The following RARB variants were observed in gnomAD, a reference collection of about 807,000 sequenced individuals.
RARB encodes HBV-activated protein.
RARB carries 17 observed loss-of-function variants against 51.9 expected under a neutral mutation model. That is an observed-to-expected ratio of 0.33 (90% confidence interval 0.22 to 0.49). The LOEUF is 0.49. Ranked by LOEUF, RARB falls within the 20% of genes least tolerant of loss-of-function variation. The probability of loss-of-function intolerance (pLI) is 0.99; values close to 1 mark genes in which losing one functional copy is unlikely to be tolerated. For missense variants in RARB, 369 were observed against 550.8 expected (o/e 0.67, Z 3.30); for synonymous variants, 215 against 195.4 (o/e 1.10, Z -0.84).
At chr3:25,286,157 C>A (rs1703648297) in intron 5 of RARB, among the ~76,000 whole-genome samples, 1 of 131,730 alleles carries the variant, frequency 7.6e-6, no homozygotes, top group Admixed American at 8.6e-5. Context: ...GGCATGATCT[C>A]AGCTCACTGC....
intron 3 of RARB, among the ~76,000 whole-genome samples, chr3:25,106,320 G>A (rs1055407823): frequency 8.6e-6 from 1 of 115,738 alleles, no homozygotes; most frequent in African/African-American, 3.3e-5. Context: ...CTGTCACCCA[G>A]GCTGGAGTGC....
At chr3:25,122,529 G>T (rs1055787412) in intron 3 of RARB, among the ~76,000 whole-genome samples, 3 of 152,096 alleles carry the variant, frequency 2.0e-5, no homozygotes, top group Admixed American at 1.3e-4. Flanking sequence ...GTTAAGGCTG[G>T]CTTGTGGGTG....
chr3:25,014,244 A>G (rs976173061), intron 2 of RARB, among the ~76,000 whole-genome samples: 6 of 151,920 alleles, frequency 3.9e-5, no homozygotes, highest in Admixed American at 2.6e-4. Context: ...CCTTTGAAAC[A>G]TGGCTGGTCT....
intron 1 of RARB, among the ~76,000 whole-genome samples, chr3:24,838,359 A>G (rs1702370397): frequency 6.6e-6 from 1 of 152,182 alleles, no homozygotes; most frequent in African/African-American, 2.4e-5. Context: ...TTCTTTTGCC[A>G]TGAAAGGTAA....
intron 1 of RARB, among the ~76,000 whole-genome samples, chr3:25,433,629 A>C (rs564525860): frequency 6.0e-4 from 91 of 152,312 alleles, no homozygotes; most frequent in African/African-American, 2.1e-3. Context: ...AGAAGAGTAG[A>C]GTTAACTCAG....
At chr3:25,172,233 T>G (rs1329749567) in intron 4 of RARB, among the ~76,000 whole-genome samples, 1 of 152,176 alleles carries the variant, frequency 6.6e-6, no homozygotes, top group East Asian at 1.9e-4. Flanking sequence ...GACTGCTCAC[T>G]GAGTTTTTCC....
intron 4 of RARB, among the ~76,000 whole-genome samples, chr3:25,579,970 ACTC>A (rs1283222785): frequency 6.6e-6 from 1 of 152,024 alleles, no homozygotes; most frequent in Non-Finnish European, 1.5e-5. Context: ...GAAAATGGTG[ACTC>A]CTCATTCCTT....
At chr3:25,105,156 TCAGA>T (rs757924410) in intron 3 of RARB, among the ~76,000 whole-genome samples, 2 of 152,274 alleles carry the variant, frequency 1.3e-5, no homozygotes, top group South Asian at 2.1e-4. Flanking sequence ...ATTTTTAGTG[TCAGA>T]CAGTTTTTAC....
chr3:25,407,709 C>T (rs1157123296), intron 5 of RARB, among the ~76,000 whole-genome samples: 4 of 151,738 alleles, frequency 2.6e-5, no homozygotes, highest in Non-Finnish European at 5.9e-5. Context: ...CTCCCTTCTA[C>T]ATGCCAAAGG....
At chr3:25,243,855 C>A (rs1460206148) in intron 5 of RARB, among the ~76,000 whole-genome samples, 1 of 152,118 alleles carries the variant, frequency 6.6e-6, no homozygotes, top group Non-Finnish European at 1.5e-5. Flanking sequence ...CTTTCTTTTT[C>A]TATTGTTTGA....
intron 5 of RARB, among the ~76,000 whole-genome samples, chr3:25,215,089 C>T (rs752769674): frequency 6.6e-6 from 1 of 152,026 alleles, no homozygotes; most frequent in Non-Finnish European, 1.5e-5. Context: ...AGTAAAAATC[C>T]CAGCCAGTTG....
chr3:25,152,408 A>C (rs551751238), intron 4 of RARB, among the ~76,000 whole-genome samples: 3 of 152,308 alleles, frequency 2.0e-5, no homozygotes, highest in African/African-American at 7.2e-5. Flanking sequence ...CTTGGGTCCA[A>C]AGAGGGTTTA....
chr3:24,995,270 T>A (rs1216578639), intron 2 of RARB, among the ~76,000 whole-genome samples: 1 of 151,810 alleles, frequency 6.6e-6, no homozygotes, highest in Non-Finnish European at 1.5e-5. Context: ...TTGCCTTTTT[T>A]ATGTCTTTTT....
At chr3:25,146,323 T>TG (rs574379197) in intron 4 of RARB, among the ~76,000 whole-genome samples, 1 of 152,132 alleles carries the variant, frequency 6.6e-6, no homozygotes, top group Non-Finnish European at 1.5e-5. Flanking sequence ...TTTGGGGCTA[T>TG]GGGGGGACCA....
intron 2 of RARB, among the ~76,000 whole-genome samples, chr3:24,927,368 T>C (rs2125391161): frequency 6.6e-6 from 1 of 152,248 alleles, no homozygotes; most frequent in Non-Finnish European, 1.5e-5. Flanking sequence ...AGGATAATTT[T>C]TTAAGAAGCT....
intron 3 of RARB, among the ~76,000 whole-genome samples, chr3:25,113,342 C>T (rs1275675116): frequency 6.6e-6 from 1 of 152,172 alleles, no homozygotes; most frequent in Non-Finnish European, 1.5e-5. Flanking sequence ...TATGTTTTAG[C>T]ATCACTGTAA....
intron 5 of RARB, among the ~76,000 whole-genome samples, chr3:25,268,544 A>T (rs1038623064): frequency 6.6e-6 from 1 of 152,186 alleles, no homozygotes; most frequent in Admixed American, 6.5e-5. Flanking sequence ...TATCATGGAG[A>T]ATTCAAGGAA....
intron 4 of RARB, among the ~76,000 whole-genome samples, chr3:25,147,712 C>G (rs1700217404): frequency 6.6e-6 from 1 of 152,118 alleles, no homozygotes; most frequent in African/African-American, 2.4e-5. Flanking sequence ...AGGCATCCTC[C>G]CATATTACCT....
At chr3:25,513,055 G>A (rs773949954) in intron 3 of RARB, among the ~76,000 whole-genome samples, 4 of 150,788 alleles carry the variant, frequency 2.7e-5, no homozygotes, top group Non-Finnish European at 5.9e-5. Context: ...TTTGGGAGGT[G>A]GATCACGAGG....
Sources: gnomAD v4.1 joint callset for allele counts (sites outside exome capture counted in the v4.1 genomes callset) on GRCh38, gnomAD v4.1.1 for gene constraint, MANE v1.5 for transcripts, NCBI Gene and HGNC (gene_info 2026-07-23, HGNC 2026-07-21) for gene names.